Variants in VSIG2 observed in about 807,000 individuals in gnomAD.
VSIG2 encodes V-set and immunoglobulin domain containing 2.
Under a neutral mutation model 29.4 loss-of-function variants are expected in VSIG2, and 30 were observed. The ratio of observed to expected loss-of-function variants is 1.02; its 90% confidence interval spans 0.76 to 1.38. The LOEUF is 1.38. Ranked by LOEUF, VSIG2 falls within the 40% of genes most tolerant of loss-of-function variation. VSIG2 has a pLI of 0.00. For missense variants in VSIG2, 421 were observed against 400.8 expected (o/e 1.05, Z -0.43); for synonymous variants, 178 against 174.2 (o/e 1.02, Z -0.17).
chr11:124,747,726 T>C, intron 6 of VSIG2, 59 bp from the exon 7 acceptor site: 1 of 1,550,242 alleles, frequency 6.5e-7, no homozygotes, highest in East Asian at 2.3e-5. Context: ...AGGAGGGCCG[T>C]CCTCTAACCT....
In VSIG2 at chr11:124,751,977, C is replaced by G. The variant is rs1016572274; in HGVS notation, c.61+100G>C. The G allele has an allele frequency of 6.7e-5, 91 of 1,366,090 alleles. 1 individual carries two copies. The Middle Eastern group carries it at 7.9e-4, about 12-fold the overall frequency. The allele number at this position is 1,366,090 out of a possible 1,614,324, so 84.6% of individuals were successfully genotyped here. A position where few individuals can be genotyped will look rare whatever the true frequency, so the allele number is the denominator to read the frequency against. ...TTAGGGCCCCTGGCGCCCACGGCAG[C>G]CTCATCTGGCCTGGCGGGGACAGAG... On this transcript the variant is annotated intron_variant, in intron 1 of 6. Transcript: ENST00000326621.
chr11:124,749,048 G>A (rs910141511), intron 4 of VSIG2, among the ~76,000 whole-genome samples: 2 of 152,170 alleles, frequency 1.3e-5, no homozygotes, highest in Admixed American at 6.5e-5. Context: ...TGGCAATGGA[G>A]TCGGGGTGGG....
rs113439662 is a variant in VSIG2, at chr11:124,752,127, A to T, written c.11T>A (p.Leu4His). The T allele has an allele frequency of 2.8e-5, 45 of 1,602,572 alleles. 1 individual carries two copies. In the African/African-American group the frequency reaches 3.5e-4, roughly 12 times the overall value. The change falls in exon 1 of 7, where the codon CTC (leucine) becomes CAC (histidine). Residue 4 changes from leucine to histidine, a missense_variant. By Grantham distance (99) the Leu-to-His change is moderately conservative (BLOSUM62 -3). Coordinates refer to ENST00000326621, the MANE Select transcript of VSIG2 (RefSeq NM_014312.5). MAE[L>H]PGPFLCGALL... is the part of the protein sequence containing the mutation. ...GGCCCCGCAGAGAAAGGGCCCCGGG[A>T]GCTCGGCCATGGCCGCGTCCGGCCG... is the stretch of plus-strand genomic sequence containing the variant.
chr11:124,749,682 C>G (rs1944056452), intron 4 of VSIG2, 26 bp downstream of exon 4: 1 of 1,607,222 alleles, frequency 6.2e-7, no homozygotes, highest in African/African-American at 1.3e-5. Context: ...CTCCAGTACC[C>G]TCTTCCTGAT....
rs1323823137 is a variant in VSIG2 at position 124,751,446 on chromosome 11, T to C, written c.196A>G (p.Lys66Glu). 6.2e-7 allele frequency: 1 copy of C among 1,612,746 alleles called. No individual in the cohort carries two copies. The highest frequency in any genetic ancestry group is 1.7e-5 in the Admixed American group (1 of 60,024). ...ACTGGATGGGACTCAGAGATGGGTT[T>C]CCCAGGCTGCACAAAGCTCCACTCC... Reference protein sequence around the residue: ...ALEWSFVQPGKPISESHPILY... With the variant: ...ALEWSFVQPGEPISESHPILY... The change falls in exon 2 of 7, where the codon AAA (lysine) becomes GAA (glutamate). Residue 66 changes from lysine to glutamate, a missense_variant. Physicochemically the swap from Lys to Glu is moderately conservative, Grantham distance 56 (BLOSUM62 1). Coordinates refer to ENST00000326621, the MANE Select transcript of VSIG2 (RefSeq NM_014312.5).
intron 3 of VSIG2, among the ~76,000 whole-genome samples, chr11:124,750,174 C>T (rs561697459): frequency 6.6e-6 from 1 of 152,344 alleles, no homozygotes; most frequent in East Asian, 1.9e-4. Flanking sequence ...CACATGACAG[C>T]CCTTTGGATA....
At chr11:124,751,286 A>G (rs1032454297) in intron 2 of VSIG2, 137 bp downstream of exon 2, 7 of 1,065,298 alleles carry the variant, frequency 6.6e-6, no homozygotes, top group Non-Finnish European at 1.4e-6. Flanking sequence ...GCAGCTCTGA[A>G]AAGATCTAGG....
At chr11:124,749,156 T>G (rs544156070) in intron 4 of VSIG2, among the ~76,000 whole-genome samples, 2 of 152,326 alleles carry the variant, frequency 1.3e-5, no homozygotes, top group South Asian at 4.1e-4. Flanking sequence ...CACAAATGCT[T>G]TTCTAAACTG....
chr11:124,750,257 G>A (rs755473122), intron 3 of VSIG2, among the ~76,000 whole-genome samples: 111 of 152,338 alleles, frequency 7.3e-4, no homozygotes, highest in Non-Finnish European at 1.2e-3. Context: ...CTCTGTGATA[G>A]TTTTTCTGGT....
Position 124,749,689 on chromosome 11 carries a change from T to C in VSIG2, c.586+19A>G, listed in dbSNP as rs1260270664. On this transcript the variant is annotated intron_variant, in intron 4 of 6. Coordinates refer to ENST00000326621, the MANE Select transcript of VSIG2 (RefSeq NM_014312.5). ...GCCCAGGTCTCCAGTACCCTCTTCC[T>C]GATGCCCTGGGCCCTTACCTTGAAC... The C allele has an allele frequency of 6.2e-7, 1 of 1,608,834 alleles. No homozygotes were observed.
chr11:124,748,078 C>T, intron 6 of VSIG2: 1 of 388,452 alleles, frequency 2.6e-6, no homozygotes, highest in Non-Finnish European at 4.6e-6. Context: ...ACTACTACTC[C>T]CAGGTGGTTA....
At chr11:124,752,040 C>T (rs2134454391) in intron 1 of VSIG2, 37 bp downstream of exon 1, 2 of 1,563,786 alleles carry the variant, frequency 1.3e-6, no homozygotes, top group East Asian at 2.3e-5. Context: ...CCTATGCCCC[C>T]CAGCCCTCGC....
chr11:124,749,871 A>G lies in VSIG2; in HGVS notation c.428-5T>C, dbSNP rs1335200201. ...ATAAGGGATTACTGGGGGGAACTGC[A>G]AAAAAAAAAAAAAAAAAAAAAAAAC... On this transcript the variant is annotated splice_region_variant and splice_polypyrimidine_tract_variant and intron_variant, in intron 3 of 6. Coordinates refer to ENST00000326621, the MANE Select transcript of VSIG2 (RefSeq NM_014312.5). 2.3e-6 allele frequency: 1 copy of G among 433,976 alleles called. No individual in the cohort carries two copies. The highest frequency in any genetic ancestry group is 5.6e-5 in the Admixed American group (1 of 17,914). The allele number at this position is 433,976 out of a possible 1,614,324, so 26.9% of individuals were successfully genotyped here.
rs1591423957 is a variant in VSIG2, at chr11:124,747,780, C to A, written c.852-113G>T. 9.0e-6 allele frequency: 11 copies of A among 1,224,302 alleles called. No homozygotes were observed. The East Asian group carries it at 2.4e-4, about 26-fold the overall frequency. The allele number at this position is 1,224,302 out of a possible 1,614,324, so 75.8% of individuals were successfully genotyped here. A position where few individuals can be genotyped will look rare whatever the true frequency, so the allele number is the denominator to read the frequency against. ...CTGTGCTTGAGAATAATCTGCGGAA[C>A]TTTGGTTAAAATGAAATTTCTGGGC... On this transcript the variant is annotated intron_variant, in intron 6 of 6. Transcript: ENST00000326621.
At chr11:124,751,706 A>G (rs1364883736) in intron 1 of VSIG2, 126 bp from the exon 2 acceptor site, 3 of 1,072,352 alleles carry the variant, frequency 2.8e-6, no homozygotes, top group South Asian at 1.7e-5. Context: ...TCTCCCCTCA[A>G]TCCAACCCCT....
At chr11:124,751,058 C>T (rs2134453220) in intron 2 of VSIG2, 137 bp from the exon 3 acceptor site, 1 of 873,300 alleles carries the variant, frequency 1.1e-6, no homozygotes, top group Non-Finnish European at 1.7e-6. Context: ...AGCTGGAACT[C>T]CAAAGGTCTC....
In VSIG2 at chr11:124,747,947, T is replaced by C. The variant is rs117523468; in HGVS notation, c.852-280A>G. On this transcript the variant is annotated intron_variant, in intron 6 of 6. Coordinates refer to ENST00000326621, the MANE Select transcript of VSIG2 (RefSeq NM_014312.5). ...TTGCTCTGATCCCTATCCTAGACCC[T>C]GACTGGCAGCTAAAGTGGATGACAG... 7.8e-3 allele frequency among the ~76,000 whole-genome samples: 1,187 copies of C among 152,236 alleles called. 10 individuals are homozygous for C. Among genetic ancestry groups the C allele is most frequent in the Non-Finnish European group, 0.012 (806 of 68,010 alleles).
Position 124,752,117 on chromosome 11 carries a change from G to C in VSIG2, c.21C>G (p.Pro7=), listed in dbSNP as rs1944094085. The change falls in exon 1 of 7, where the codon CCC becomes CCG. Residue 7 remains proline (P), a synonymous_variant. Transcript: ENST00000326621. MAELPG[P]FLCGALLGFL... ...AGCCTAGCAGGGCCCCGCAGAGAAA[G>C]GGCCCCGGGAGCTCGGCCATGGCCG... is the stretch of plus-strand genomic sequence containing the variant. The C allele has an allele frequency of 6.2e-6, 10 of 1,605,106 alleles. No homozygotes were observed. The highest frequency in any genetic ancestry group is 1.7e-5 in the Admixed American group (1 of 59,676).
In VSIG2 at chr11:124,748,471, G is replaced by C; in HGVS notation, c.770C>G (p.Ser257Ter). 2 of 1,614,064 alleles carry C rather than the reference G, an allele frequency of 1.2e-6. No homozygotes were observed. Among genetic ancestry groups the C allele is most frequent in the Non-Finnish European group, 1.7e-6 (2 of 1,180,030 alleles). ...CCTGACCAGGCAGAACGCAGCAACT[G>C]ACAGCAACAGCACGCCCAGGAGCAC... ...IGVLLGVLLL[S>*]VAAFCLVRFQ... Residue 257 changes from serine (S) to a stop codon, truncating the protein, a stop_gained, in exon 6 of 7, where the codon TCA becomes TGA. Coordinates refer to ENST00000326621, the MANE Select transcript of VSIG2 (RefSeq NM_014312.5). LOFTEE classifies it high-confidence loss of function.
Sources: allele counts gnomAD v4.1 joint callset (sites outside exome capture counted in the v4.1 genomes callset), GRCh38; gene constraint gnomAD v4.1.1; transcripts MANE v1.5; gene names NCBI Gene and HGNC (gene_info 2026-07-23, HGNC 2026-07-21).